The following TPO variants were observed in gnomAD, a reference collection of about 807,000 sequenced individuals.
The protein encoded by TPO is thyroid microsomal antigen.
Under a neutral mutation model 96.9 loss-of-function variants are expected in TPO, and 78 were observed. That is an observed-to-expected ratio of 0.81 (90% confidence interval 0.67 to 0.97). TPO has a LOEUF of 0.97. Among genes scored for constraint, TPO ranks in the 50% least tolerant of loss-of-function variants. The probability of loss-of-function intolerance (pLI) is 0.00; values close to 1 mark genes in which losing one functional copy is unlikely to be tolerated. For synonymous variants in TPO, 547 were observed against 538.0 expected (o/e 1.02, Z -0.23); for missense variants, 1,252 against 1,274.8 (o/e 0.98, Z 0.27).
At chr2:1,422,950 C>T in intron 2 of TPO, 95 bp from the exon 3 acceptor site, 1 of 1,381,226 alleles carries the variant, frequency 7.2e-7, no homozygotes, top group South Asian at 1.2e-5. Context: ...ACGTGGGCAT[C>T]ACCGCAGCAA....
At chr2:1,498,943 G>A (rs891501551) in intron 13 of TPO, among the ~76,000 whole-genome samples, 27 of 152,078 alleles carry the variant, frequency 1.8e-4, no homozygotes, top group Admixed American at 5.9e-4. Flanking sequence ...TTGATGGCAG[G>A]TGCTTCAGGG....
chr2:1,385,503 G>T (rs1271350262), intron 1 of TPO, among the ~76,000 whole-genome samples: 5 of 152,116 alleles, frequency 3.3e-5, no homozygotes, highest in Admixed American at 2.0e-4. Flanking sequence ...GTGTAGAGGT[G>T]TTTATAGTAG....
intron 1 of TPO, among the ~76,000 whole-genome samples, chr2:1,374,874 C>A (rs1307869881): frequency 5.3e-5 from 8 of 151,578 alleles, no homozygotes; most frequent in African/African-American, 1.7e-4. Context: ...CTACAGGCAC[C>A]CGCCACCACG....
upstream of TPO, among the ~76,000 whole-genome samples, chr2:1,409,937 C>CGGGGCAGGTGCGGTGG (rs950898800): frequency 0.043 from 1,676 of 38,844 alleles, 48 homozygotes; most frequent in African/African-American, 0.15. Flanking sequence ...CCTAGGGTTA[C>CGGGGCAGGTGCGGTGG]GGGGCAGGTG....
At chr2:1,485,408 T>C (rs572376771) in intron 9 of TPO, among the ~76,000 whole-genome samples, 1 of 152,286 alleles carries the variant, frequency 6.6e-6, no homozygotes, top group African/African-American at 2.4e-5. Context: ...TATAGTCCCT[T>C]GGGTATATGC....
At chr2:1,534,224 C>A (rs1385901950) in intron 15 of TPO, among the ~76,000 whole-genome samples, 3 of 91,210 alleles carry the variant, frequency 3.3e-5, no homozygotes, top group African/African-American at 1.2e-4. Flanking sequence ...CCACTGTGTG[C>A]AACCTCCTCA....
At position 1,414,509 on chromosome 2, in the gene TPO, A is replaced by G. The variant is rs762643817; in HGVS notation, c.94+7A>G. 23 of 1,613,446 alleles carry G rather than the reference A, an allele frequency of 1.4e-5. No individual in the cohort carries two copies. The African/African-American group carries it at 1.6e-4, about 11-fold the overall frequency. On this transcript the variant is annotated splice_region_variant and intron_variant, in intron 2 of 16. Transcript: ENST00000329066. ...GGGAAAGAACTCCTTTGGGGTAAGT[A>G]GCAAACACATTGCGGTCTTCTGGCC...
chr2:1,465,983 G>T (rs1348870435), intron 7 of TPO, among the ~76,000 whole-genome samples: 2 of 152,282 alleles, frequency 1.3e-5, no homozygotes, highest in Non-Finnish European at 2.9e-5. Context: ...TTCTCAGAGG[G>T]AATGCTTTCA....
intron 14 of TPO, among the ~76,000 whole-genome samples, chr2:1,507,076 G>A (rs953010065): frequency 6.6e-6 from 1 of 152,054 alleles, no homozygotes; most frequent in Non-Finnish European, 1.5e-5. Context: ...GTGTAAGGAA[G>A]GGATCCAGTT....
At chr2:1,534,724 C>T (rs990058822) in intron 15 of TPO, among the ~76,000 whole-genome samples, 1 of 150,596 alleles carries the variant, frequency 6.6e-6, no homozygotes, top group African/African-American at 2.4e-5. Context: ...TCCTCAATTC[C>T]CTCTAGTGTG....
At chr2:1,422,109 G>T (rs957901893) in intron 2 of TPO, among the ~76,000 whole-genome samples, 57 of 152,222 alleles carry the variant, frequency 3.7e-4, no homozygotes, top group Non-Finnish European at 1.3e-4. Flanking sequence ...ACTCATCCCA[G>T]AACCCAAGAG....
intron 15 of TPO, among the ~76,000 whole-genome samples, chr2:1,537,667 G>A (rs1236873735): frequency 1.3e-4 from 7 of 54,824 alleles, no homozygotes; most frequent in Admixed American, 2.7e-4. Flanking sequence ...TGCAACCTCC[G>A]CAAATCCCCC....
intron 7 of TPO, among the ~76,000 whole-genome samples, chr2:1,462,081 A>C (rs1217120414): frequency 6.6e-6 from 1 of 152,004 alleles, no homozygotes; most frequent in Non-Finnish European, 1.5e-5. Flanking sequence ...GCCCTATTTC[A>C]ACTTTCTCTT....
rs551746849 is a variant in TPO, at chr2:1,435,141, G to A, written c.350-1111G>A. ...GTAGAGACGGGGTTTCACCATGTTAGCCAGGATGGTCTCGATCTCCTGACC... is the reference window on the plus strand; with the variant it reads ...GTAGAGACGGGGTTTCACCATGTTAACCAGGATGGTCTCGATCTCCTGACC... On this transcript the variant is annotated intron_variant, in intron 4 of 16. Coordinates refer to ENST00000329066, the MANE Select transcript of TPO (RefSeq NM_001206744.2). Among the ~76,000 whole-genome samples the A allele has an allele frequency of 5.9e-5, 9 of 152,236 alleles. No homozygotes were observed. The South Asian group carries it at 1.0e-3, about 18-fold the overall frequency.
chr2:1,514,231 G>A (rs985660956), intron 14 of TPO, among the ~76,000 whole-genome samples: 1 of 152,140 alleles, frequency 6.6e-6, no homozygotes, highest in Non-Finnish European at 1.5e-5. Context: ...CTCTACTGGG[G>A]CCCTGGAAGG....
intron 5 of TPO, among the ~76,000 whole-genome samples, chr2:1,437,370 AG>A (rs1665681968): frequency 6.6e-6 from 1 of 152,150 alleles, no homozygotes; most frequent in Admixed American, 6.5e-5. Context: ...CAGGCAGCAA[AG>A]GTGCTTAGCA....
At chr2:1,435,425 G>A (rs1359287490) in intron 4 of TPO, among the ~76,000 whole-genome samples, 5 of 152,228 alleles carry the variant, frequency 3.3e-5, no homozygotes, top group Non-Finnish European at 7.3e-5. Context: ...GAGCATTCAT[G>A]ATTGAAAGAC....
chr2:1,387,181 T>G (rs1295267832), intron 1 of TPO, among the ~76,000 whole-genome samples: 6 of 152,164 alleles, frequency 3.9e-5, no homozygotes, highest in Non-Finnish European at 7.4e-5. Context: ...AATCTGACAA[T>G]TATGTGTCTT....
chr2:1,509,097 G>A (rs143862115), intron 14 of TPO, among the ~76,000 whole-genome samples: 12,271 of 152,106 alleles, frequency 0.081, 664 homozygotes, highest in African/African-American at 0.15. Flanking sequence ...CTTTGTTCTC[G>A]TTCGTTTCAA....
Sources: gnomAD v4.1 joint callset for allele counts (sites outside exome capture counted in the v4.1 genomes callset) on GRCh38, gnomAD v4.1.1 for gene constraint, MANE v1.5 for transcripts, NCBI Gene and HGNC (gene_info 2026-07-23, HGNC 2026-07-21) for gene names.